CES1: variants seen among roughly 807,000 people sequenced by gnomAD.
The protein encoded by CES1 is carboxylesterase 1.
In CES1, 50 loss-of-function variants were observed where a neutral mutation model predicts 53.0. The observed-to-expected ratio is 0.94, with a 90% CI of 0.75 to 1.19. CES1 has a LOEUF of 1.19. CES1 is among the 50% of genes most tolerant of loss of function. CES1 has a pLI of 0.00. For missense variants in CES1, 534 were observed against 538.0 expected (o/e 0.99, Z 0.07); for synonymous variants, 202 against 210.1 (o/e 0.96, Z 0.33).
intron 9 of CES1, chr16:55,812,439 C>G: frequency 4.0e-6 from 1 of 250,086 alleles, no homozygotes; most frequent in Non-Finnish European, 8.1e-6. Context: ...CCCTAGAAGT[C>G]AATGGTAACT....
intron 11 of CES1, among the ~76,000 whole-genome samples, chr16:55,809,248 C>A (rs1307552503): frequency 1.3e-5 from 2 of 152,282 alleles, no homozygotes; most frequent in African/African-American, 4.8e-5. Flanking sequence ...TAAGAAAGAA[C>A]AGATTCAACT....
chr16:55,821,302 G>C, intron 5 of CES1, 66 bp downstream of exon 5: 1 of 1,589,734 alleles, frequency 6.3e-7, no homozygotes, highest in Non-Finnish European at 8.6e-7. Context: ...GGATTGACAG[G>C]TGTCCAAGAG....
rs1205972359 is a variant in CES1 at position 55,813,123 on chromosome 16, G to C, written c.946-80C>G. ...CCCAACTCTGCCTGTCTGAGGGTGA[G>C]ACCAGTACCATAGACCGGCATGGCC... is the stretch of plus-strand genomic sequence containing the variant. On this transcript the variant is annotated intron_variant, in intron 8 of 13. Coordinates refer to ENST00000360526, the MANE Select transcript of CES1 (RefSeq NM_001025195.2). 1.6e-5 allele frequency: 26 copies of C among 1,590,604 alleles called. No individual in the cohort carries two copies. The African/African-American group carries it at 3.4e-4, about 21-fold the overall frequency.
chr16:55,809,477 A>G (rs1190251447), intron 11 of CES1, among the ~76,000 whole-genome samples: 1 of 152,232 alleles, frequency 6.6e-6, no homozygotes, highest in Non-Finnish European at 1.5e-5. Context: ...GAGCTGGAAG[A>G]AAAGGAATCC....
intron 7 of CES1, among the ~76,000 whole-genome samples, chr16:55,819,175 A>T (rs1211969869): frequency 6.6e-6 from 1 of 152,242 alleles, no homozygotes; most frequent in Non-Finnish European, 1.5e-5. Flanking sequence ...ATAAATTGTG[A>T]CATCTTTCTG....
chr16:55,819,601 A>C lies in CES1; in HGVS notation c.840T>G (p.Ser280=). Residue 280 remains serine (S), a synonymous_variant, in exon 7 of 14, where the codon TCT becomes TCG. Coordinates refer to ENST00000360526, the MANE Select transcript of CES1 (RefSeq NM_001025195.2). ...AITAGCKTTT[S]AVMVHCLRQK... is the part of the protein sequence containing the mutation. ...GTCGCAGGCAGTGAACCATGACAGC[A>C]GAGGTGGTGGTTTTGCACCCAGCAG... The C allele has an allele frequency of 6.2e-7, 1 of 1,613,912 alleles. No homozygotes were observed. The highest frequency in any genetic ancestry group is 8.5e-7 in the Non-Finnish European group (1 of 1,179,948).
intron 2 of CES1, among the ~76,000 whole-genome samples, chr16:55,828,512 CAGGAACCT>C (rs1191430348): frequency 1.3e-5 from 2 of 152,124 alleles, no homozygotes; most frequent in Admixed American, 6.5e-5. Flanking sequence ...ATGCACGCTC[CAGGAACCT>C]AGGGATCTTT....
intron 1 of CES1, among the ~76,000 whole-genome samples, chr16:55,830,841 G>T (rs535896005): frequency 4.0e-5 from 6 of 149,070 alleles, no homozygotes; most frequent in Non-Finnish European, 6.0e-5. Context: ...CAGGCAGGCA[G>T]GCAGGCAAGT....
At chr16:55,830,357 T>C (rs1249205191) in intron 1 of CES1, among the ~76,000 whole-genome samples, 1 of 152,246 alleles carries the variant, frequency 6.6e-6, no homozygotes. Context: ...TGGCATTACA[T>C]GTGGCCTGTT....
chr16:55,820,186 C>A, intron 6 of CES1, 186 bp downstream of exon 6: 3 of 582,982 alleles, frequency 5.1e-6, no homozygotes, highest in South Asian at 2.0e-5. Context: ...TGTCGGTTTG[C>A]CTGGCTGTGA....
intron 11 of CES1, among the ~76,000 whole-genome samples, chr16:55,808,944 T>C (rs2031555556): frequency 6.6e-6 from 1 of 152,036 alleles, no homozygotes; most frequent in South Asian, 2.1e-4. Flanking sequence ...GTAGTGGAAA[T>C]GAGTGATACA....
chr16:55,830,628 C>G (rs113409676), intron 1 of CES1, among the ~76,000 whole-genome samples: 1 of 151,888 alleles, frequency 6.6e-6, no homozygotes, highest in Non-Finnish European at 1.5e-5. Flanking sequence ...CATGGTGAAA[C>G]CCCCTCTCTA....
At chr16:55,822,414 G>T (rs551493089) in intron 4 of CES1, among the ~76,000 whole-genome samples, 4 of 152,254 alleles carry the variant, frequency 2.6e-5, no homozygotes, top group Non-Finnish European at 4.4e-5. Context: ...AGGGTTGTGA[G>T]AAAAGAGACA....
chr16:55,821,412 T>C lies in CES1; in HGVS notation c.649A>G (p.Thr217Ala), dbSNP rs761113741. The C allele has an allele frequency of 6.2e-7, 1 of 1,614,066 alleles. No homozygotes were observed. The highest frequency in any genetic ancestry group is 2.2e-5 in the East Asian group (1 of 44,898). ...ASFGGNPGSV[T>A]IFGESAGGES... ...CCTCCCGCTGACTCTCCAAAGATGG[T>C]CACAGAGCCTGGGTTCCCTCCAAAG... The change falls in exon 5 of 14, where the codon ACC (threonine) becomes GCC (alanine). Residue 217 changes from threonine (T) to alanine (A), a missense_variant. By Grantham distance (58) the Thr-to-Ala change is moderately conservative. This residue lies in a region of CES1 where 85 missense variants were observed against 81.9 expected (regional missense o/e 1.04). Transcript: ENST00000360526.
At position 55,821,074 on chromosome 16, in the gene CES1, A is replaced by AAG. The variant is rs59890072; in HGVS notation, c.693+292_693+293dup. ...AAAATGAGTGTGAAGGAGAGAGAGA[A>AAG]AGAGAGAGAGAGAGAGAGAGCTCAA... On this transcript the variant is annotated intron_variant, in intron 5 of 13. Coordinates refer to ENST00000360526, the MANE Select transcript of CES1 (RefSeq NM_001025195.2). 1.2e-3 allele frequency among the ~76,000 whole-genome samples: 173 copies of AAG among 149,154 alleles called. 1 individual carries two copies. Among genetic ancestry groups the AAG allele is most frequent in the Non-Finnish European group, 1.5e-3 (104 of 67,150 alleles).
intron 1 of CES1, among the ~76,000 whole-genome samples, chr16:55,829,360 A>G (rs1316261073): frequency 6.6e-6 from 1 of 152,268 alleles, no homozygotes; most frequent in Non-Finnish European, 1.5e-5. Flanking sequence ...AGCACTGACC[A>G]TTATAGGGAA....
intron 8 of CES1, 32 bp from the exon 9 acceptor site, chr16:55,813,075 C>T (rs1256458450): frequency 1.2e-6 from 2 of 1,613,182 alleles, no homozygotes; most frequent in Admixed American, 3.3e-5. Context: ...ACCTGTGATT[C>T]CCTCCCTAGT....
intron 11 of CES1, among the ~76,000 whole-genome samples, chr16:55,809,233 A>G (rs576177498): frequency 6.6e-6 from 1 of 152,314 alleles, no homozygotes; most frequent in East Asian, 1.9e-4. Context: ...GGGCAAGGGC[A>G]AGTTTAAGAA....
chr16:55,816,658 A>C (rs1229929232), intron 8 of CES1, among the ~76,000 whole-genome samples: 1 of 152,172 alleles, frequency 6.6e-6, no homozygotes. Flanking sequence ...GAAAATGTAA[A>C]AAAGAAGGGG....
Sources: allele counts gnomAD v4.1 joint callset (sites outside exome capture counted in the v4.1 genomes callset), GRCh38; gene constraint gnomAD v4.1.1; regional missense constraint gnomAD v4.1.1; transcripts MANE v1.5; gene names NCBI Gene and HGNC (gene_info 2026-07-23, HGNC 2026-07-21).